The following VRK2 variants were observed in gnomAD, a reference collection of about 807,000 sequenced individuals.
The protein encoded by VRK2 is serine/threonine-protein kinase VRK2.
Under a neutral mutation model 57.6 loss-of-function variants are expected in VRK2, and 60 were observed. The observed-to-expected ratio is 1.04, with a 90% CI of 0.85 to 1.29. The LOEUF (loss-of-function observed/expected upper bound fraction) is 1.29. VRK2 is among the 50% of genes most tolerant of loss of function. The pLI, the probability that VRK2 is intolerant of heterozygous loss-of-function variation, is 0.00. For synonymous variants in VRK2, 231 were observed against 199.2 expected (o/e 1.16, Z -1.35); for missense variants, 705 against 588.1 (o/e 1.20, Z -2.06).
At chr2:58,107,250 A>G (rs1426952241) in intron 7 of VRK2, among the ~76,000 whole-genome samples, 1 of 150,930 alleles carries the variant, frequency 6.6e-6, no homozygotes, top group Non-Finnish European at 1.5e-5. Context: ...TGCTGAATAC[A>G]TATATATACT....
At chr2:57,931,385 C>A (rs1231335794) in intron 1 of VRK2, among the ~76,000 whole-genome samples, 2 of 152,042 alleles carry the variant, frequency 1.3e-5, no homozygotes, top group East Asian at 3.8e-4. Flanking sequence ...TGTTGAGCCC[C>A]TTTTAATACA....
chr2:58,141,743 G>A (rs1290733973), intron 11 of VRK2, among the ~76,000 whole-genome samples: 1 of 152,056 alleles, frequency 6.6e-6, no homozygotes, highest in Admixed American at 6.6e-5. Context: ...TACAGATTTT[G>A]CAGTGCTACA....
intron 1 of VRK2, among the ~76,000 whole-genome samples, chr2:57,971,483 C>A (rs1242302118): frequency 6.6e-6 from 1 of 151,936 alleles, no homozygotes; most frequent in African/African-American, 2.4e-5. Flanking sequence ...AGTCAAGGAT[C>A]AACCCATCTT....
At chr2:58,156,149 T>C (rs529905623) in intron 12 of VRK2, among the ~76,000 whole-genome samples, 65 of 152,300 alleles carry the variant, frequency 4.3e-4, no homozygotes, top group African/African-American at 1.4e-3. Context: ...TGCCCCTCAC[T>C]TTGATTTTGA....
intron 7 of VRK2, among the ~76,000 whole-genome samples, chr2:58,116,672 A>G (rs1676550725): frequency 6.6e-6 from 1 of 152,188 alleles, no homozygotes. Flanking sequence ...AGGCAATCAG[A>G]CAGCATCAGT....
At chr2:57,946,998 T>G (rs1254651865) in intron 1 of VRK2, among the ~76,000 whole-genome samples, 2 of 152,168 alleles carry the variant, frequency 1.3e-5, no homozygotes, top group Non-Finnish European at 2.9e-5. Context: ...TTGTCCATCT[T>G]AATTATATTT....
intron 2 of VRK2, among the ~76,000 whole-genome samples, chr2:58,027,184 T>C (rs1002016992): frequency 2.6e-5 from 4 of 152,024 alleles, no homozygotes; most frequent in African/African-American, 4.8e-5. Context: ...TTCCATCCCA[T>C]AGTACTCCAA....
intron 1 of VRK2, among the ~76,000 whole-genome samples, chr2:58,010,222 A>G (rs896614392): frequency 6.6e-6 from 1 of 152,148 alleles, no homozygotes; most frequent in Non-Finnish European, 1.5e-5. Flanking sequence ...CCTTGGGCAA[A>G]TCACTTAATT....
intron 1 of VRK2, among the ~76,000 whole-genome samples, chr2:57,920,408 G>T (rs148444589): frequency 9.2e-5 from 14 of 152,118 alleles, no homozygotes; most frequent in African/African-American, 3.1e-4. Context: ...ATATCCTCAC[G>T]ATCAATTGAT....
intron 1 of VRK2, among the ~76,000 whole-genome samples, chr2:58,010,073 G>C (rs932620179): frequency 6.6e-6 from 1 of 152,044 alleles, no homozygotes; most frequent in Non-Finnish European, 1.5e-5. Flanking sequence ...GCCTAGGGCA[G>C]GATTTATTTT....
At chr2:58,047,116 T>A (rs191153236) in intron 1 of VRK2, 3 of 428,696 alleles carry the variant, frequency 7.0e-6, no homozygotes, top group Non-Finnish European at 6.2e-6. Flanking sequence ...GGGTCCGACG[T>A]GTTAGCGGAA....
chr2:57,943,611 C>T (rs1671165894), intron 1 of VRK2, among the ~76,000 whole-genome samples: 1 of 152,128 alleles, frequency 6.6e-6, no homozygotes, highest in South Asian at 2.1e-4. Context: ...AAGTCAGCTA[C>T]TTAAAGGTCA....
chr2:57,945,278 G>A (rs1416575781), intron 1 of VRK2, among the ~76,000 whole-genome samples: 1 of 152,116 alleles, frequency 6.6e-6, no homozygotes, highest in East Asian at 1.9e-4. Context: ...ATATAAGTAT[G>A]TATGTGCCTC....
At chr2:58,105,808 T>C (rs1173827224) in intron 7 of VRK2, among the ~76,000 whole-genome samples, 5 of 151,886 alleles carry the variant, frequency 3.3e-5, no homozygotes, top group Non-Finnish European at 7.4e-5. Context: ...TCAAATACTA[T>C]CTTTGAATTT....
rs185912980 is a variant in VRK2 at position 58,146,619 on chromosome 2, G to A, written c.1182+145G>A. On this transcript the variant is annotated intron_variant, in intron 12 of 12. Coordinates refer to ENST00000340157, the MANE Select transcript of VRK2 (RefSeq NM_006296.7). ...GAAGGGACAGAAAATATCCTAGCCA[G>A]CTGATAAAATTAAAGCGGCCAGCAC... is the stretch of plus-strand genomic sequence containing the variant. The A allele has an allele frequency of 8.1e-3, 7,822 of 965,016 alleles. 45 individuals carry two copies. The highest frequency in any genetic ancestry group is 9.7e-3 in the Non-Finnish European group (6,674 of 687,480). The allele number at this position is 965,016 out of a possible 1,614,324, so 59.8% of individuals were successfully genotyped here.
Position 58,123,134 on chromosome 2 carries a change from TATTGTCCCAATGG to T in VRK2, c.578_590del (p.Tyr193Ter). 3 of 1,601,084 alleles carry T rather than the reference TATTGTCCCAATGG, an allele frequency of 1.9e-6. No homozygotes were observed. Among genetic ancestry groups the T allele is most frequent in the Non-Finnish European group, 2.6e-6 (3 of 1,176,382 alleles). On this transcript the variant is annotated frameshift_variant, in exon 8 of 13. Transcript: ENST00000340157. LOFTEE classifies it high-confidence loss of function. ...TGCAGATTATGGACTTTCCTACAGA[TATTGTCCCAATGG>T]GAACCACAAACAGTATCAGGAAAAT...
chr2:58,070,403 C>T (rs1185869817), intron 2 of VRK2, among the ~76,000 whole-genome samples: 1 of 152,036 alleles, frequency 6.6e-6, no homozygotes. Flanking sequence ...CATGTGTCCA[C>T]CATTACAGTC....
chr2:58,077,287 A>T, intron 2 of VRK2, among the ~76,000 whole-genome samples: 1 of 152,002 alleles, frequency 6.6e-6, no homozygotes, highest in East Asian at 1.9e-4. Context: ...ACACCCTATC[A>T]GTTCATTGAA....
chr2:58,074,696 A>G (rs964115483), intron 2 of VRK2, among the ~76,000 whole-genome samples: 1 of 151,976 alleles, frequency 6.6e-6, no homozygotes, highest in African/African-American at 2.4e-5. Context: ...TTTTACCTTC[A>G]TTTATTTCCT....
Sources: gnomAD v4.1 joint callset for allele counts (sites outside exome capture counted in the v4.1 genomes callset) on GRCh38, gnomAD v4.1.1 for gene constraint, MANE v1.5 for transcripts, NCBI Gene and HGNC (gene_info 2026-07-23, HGNC 2026-07-21) for gene names.